The following LCOR variants were observed in gnomAD, a reference collection of about 807,000 sequenced individuals.
LCOR encodes the protein ligand-dependent corepressor.
LCOR carries 14 observed loss-of-function variants against 64.4 expected under a neutral mutation model. The ratio of observed to expected loss-of-function variants is 0.22; its 90% CI spans 0.14 to 0.34. LCOR has a LOEUF of 0.34. LCOR is among the 10% of genes least tolerant of loss of function. The pLI is 1.00. For missense variants in LCOR, 1,686 were observed against 1,765.3 expected (o/e 0.96, Z 0.80); for synonymous variants, 643 against 642.5 (o/e 1.00, Z -0.01).
intron 2 of LCOR, among the ~76,000 whole-genome samples, chr10:96,835,996 T>G (rs1265227600): frequency 6.6e-6 from 1 of 152,326 alleles, no homozygotes; most frequent in Non-Finnish European, 1.5e-5. Context: ...TGTAACCTTT[T>G]GCTTTCCTGC....
At chr10:96,909,552 TAGAC>T (rs994208198) in intron 4 of LCOR, among the ~76,000 whole-genome samples, 1 of 152,256 alleles carries the variant, frequency 6.6e-6, no homozygotes, top group Non-Finnish European at 1.5e-5. Flanking sequence ...TGCTAAAAAC[TAGAC>T]AGACCATGCT....
intron 2 of LCOR, among the ~76,000 whole-genome samples, chr10:96,859,069 T>C (rs1845847372): frequency 6.6e-6 from 1 of 152,156 alleles, no homozygotes; most frequent in African/African-American, 2.4e-5. Flanking sequence ...AAAAGGTCAT[T>C]TTGTGGGTTT....
chr10:96,942,268 CG>C (rs1326154035), intron 4 of LCOR, among the ~76,000 whole-genome samples: 2 of 151,940 alleles, frequency 1.3e-5, no homozygotes, highest in African/African-American at 4.8e-5. Flanking sequence ...AGCAAAACCC[CG>C]TCTCCACCAA....
At chr10:96,925,053 T>TTTTATTTATTTATTTTCATTTTTA (rs1847144197) in intron 4 of LCOR, among the ~76,000 whole-genome samples, 2 of 150,618 alleles carry the variant, frequency 1.3e-5, no homozygotes, top group Admixed American at 6.6e-5. Context: ...TATTTATTTA[T>TTTTATTTATTTATTTTCATTTTTA]TTTATTTATT....
intron 4 of LCOR, among the ~76,000 whole-genome samples, chr10:96,932,447 T>C (rs1217465527): frequency 7.3e-6 from 1 of 136,842 alleles, no homozygotes; most frequent in Non-Finnish European, 1.5e-5. Flanking sequence ...ACCTTTTTTA[T>C]TTTATTTTAT....
chr10:96,925,717 T>C (rs567431171), intron 4 of LCOR, among the ~76,000 whole-genome samples: 1 of 152,278 alleles, frequency 6.6e-6, no homozygotes, highest in Admixed American at 6.5e-5. Context: ...AATAAATAAG[T>C]TATTTGTGGG....
intron 7 of LCOR, among the ~76,000 whole-genome samples, chr10:96,972,104 T>C (rs951409852): frequency 4.6e-5 from 7 of 152,056 alleles, no homozygotes; most frequent in South Asian, 2.1e-4. Context: ...ATGATAAATA[T>C]AAAATACCTT....
At position 96,982,692 on chromosome 10, in the gene LCOR, C is replaced by T. The variant is rs757770393; in HGVS notation, c.2232C>T (p.Asp744=). The T allele has an allele frequency of 6.2e-7, 1 of 1,613,918 alleles. No homozygotes were observed. Among genetic ancestry groups the T allele is most frequent in the East Asian group, 2.2e-5 (1 of 44,872 alleles). The part of the protein sequence containing the change: ...ESGDTQELNV[D]PLLKESSTFT... ...GAGACACCCAGGAGCTAAATGTCGA[C>T]CCACTCTTGAAGGAAAGCAGCACTT... Residue 744 remains aspartate, a synonymous_variant, in exon 8 of 8, where the codon GAC becomes GAT. Transcript: ENST00000421806.
chr10:96,859,253 C>T (rs956143510), intron 2 of LCOR, among the ~76,000 whole-genome samples: 10 of 152,050 alleles, frequency 6.6e-5, no homozygotes, highest in East Asian at 3.9e-4. Context: ...ATCTGTTGCC[C>T]GGCTGGAGTG....
chr10:96,899,750 T>C (rs1174550245), intron 2 of LCOR, among the ~76,000 whole-genome samples: 1 of 152,118 alleles, frequency 6.6e-6, no homozygotes. Flanking sequence ...AGTATTCTTA[T>C]ACAGGATGCA....
At chr10:96,888,181 A>G (rs1002551135) in intron 2 of LCOR, among the ~76,000 whole-genome samples, 1 of 151,202 alleles carries the variant, frequency 6.6e-6, no homozygotes, top group Non-Finnish European at 1.5e-5. Context: ...CCTGGCCAAC[A>G]TGATGAAACC....
intron 2 of LCOR, among the ~76,000 whole-genome samples, chr10:96,885,405 A>T (rs1846325598): frequency 6.6e-6 from 1 of 152,020 alleles, no homozygotes; most frequent in South Asian, 2.1e-4. Flanking sequence ...TTTTTGAGAC[A>T]GGCTTTCACT....
intron 2 of LCOR, among the ~76,000 whole-genome samples, chr10:96,868,273 C>CTTTTCTTTTTTTTTT (rs1846011100): frequency 6.8e-6 from 1 of 146,480 alleles, no homozygotes; most frequent in Admixed American, 6.7e-5. Flanking sequence ...CTTTTCTTTT[C>CTTTTCTTTTTTTTTT]TTTTCTTTTT....
In LCOR at chr10:96,955,888, C is replaced by G; in HGVS notation, c.332+3692C>G. On this transcript the variant is annotated intron_variant, in intron 7 of 7. Transcript: ENST00000421806. ...ATTGAATTAGATCCCCAGGGAGAGG[C>G]AGCACAAAGTGCAAATGAATCAAAA... 6.2e-7 allele frequency: 1 copy of G among 1,613,832 alleles called. No homozygotes were observed. The highest frequency in any genetic ancestry group is 1.3e-5 in the African/African-American group (1 of 74,974).
intron 2 of LCOR, among the ~76,000 whole-genome samples, chr10:96,901,082 G>A (rs1193118728): frequency 2.0e-5 from 3 of 151,918 alleles, no homozygotes; most frequent in Admixed American, 2.0e-4. Flanking sequence ...GCAGCTACTC[G>A]GGAGGCTGAG....
At chr10:96,926,433 A>G (rs1847168632) in intron 4 of LCOR, among the ~76,000 whole-genome samples, 1 of 152,238 alleles carries the variant, frequency 6.6e-6, no homozygotes, top group African/African-American at 2.4e-5. Context: ...TTTGTGACAT[A>G]TCTTTGTGAC....
intron 2 of LCOR, among the ~76,000 whole-genome samples, chr10:96,877,167 AAAAAATG>A (rs1409820448): frequency 1.3e-5 from 2 of 152,166 alleles, no homozygotes; most frequent in Admixed American, 6.6e-5. Flanking sequence ...AACTATCTTA[AAAAAATG>A]GCTACAATGG....
chr10:96,982,185 C>G lies in LCOR; in HGVS notation c.1725C>G (p.His575Gln), dbSNP rs769514282. Residue 575 changes from histidine to glutamine, a missense_variant, in exon 8 of 8, where the codon CAC becomes CAG. This residue lies in a region of LCOR where 1,293 missense variants were observed against 1,410.4 expected (regional missense o/e 0.92). Coordinates refer to ENST00000421806, the MANE Select transcript of LCOR (RefSeq NM_001346516.2). ...PEEPSKEITS[H>Q]EEGGGDVSPR... ...AACCTAGCAAGGAAATCACCTCTCACGAGGAAGGAGGTGGAGACGTTTCAC... is the reference window on the plus strand; with the variant it reads ...AACCTAGCAAGGAAATCACCTCTCAGGAGGAAGGAGGTGGAGACGTTTCAC... 5 of 1,614,040 alleles carry G rather than the reference C, an allele frequency of 3.1e-6. No homozygotes were observed. Among genetic ancestry groups the G allele is most frequent in the Non-Finnish European group, 3.4e-6 (4 of 1,180,030 alleles).
At chr10:96,857,705 G>A (rs139664224) in intron 2 of LCOR, among the ~76,000 whole-genome samples, 9 of 152,216 alleles carry the variant, frequency 5.9e-5, no homozygotes, top group African/African-American at 1.2e-4. Context: ...GAACAAAACC[G>A]CTACCCTAGA....
Sources: gnomAD v4.1 joint callset for allele counts (sites outside exome capture counted in the v4.1 genomes callset) on GRCh38, gnomAD v4.1.1 for gene constraint, gnomAD v4.1.1 regional missense constraint, MANE v1.5 for transcripts, NCBI Gene and HGNC (gene_info 2026-07-23, HGNC 2026-07-21) for gene names.